The following UTRN variants were observed in gnomAD, a reference collection of about 807,000 sequenced individuals.
The protein encoded by UTRN is dystrophin-related protein 1.
UTRN carries 283 observed loss-of-function variants against 463.9 expected under a neutral mutation model. The observed-to-expected ratio is 0.61, with a 90% CI of 0.55 to 0.67. UTRN has a LOEUF of 0.67. Among genes scored for constraint, UTRN ranks in the 30% least tolerant of loss-of-function variants. The pLI is 0.00. For synonymous variants in UTRN, 1,442 were observed against 1,431.5 expected (o/e 1.01, Z -0.17); for missense variants, 3,922 against 4,084.3 (o/e 0.96, Z 1.08).
At chr6:144,555,006 T>C in intron 49 of UTRN, 113 bp downstream of exon 49, 1 of 1,231,030 alleles carries the variant, frequency 8.1e-7, no homozygotes, top group Non-Finnish European at 1.1e-6. Context: ...CCTAAGTTCT[T>C]AGAGTGTCTA....
intron 2 of UTRN, among the ~76,000 whole-genome samples, chr6:144,357,705 A>AT (rs1778695246): frequency 6.6e-6 from 1 of 152,056 alleles, no homozygotes; most frequent in Non-Finnish European, 1.5e-5. Flanking sequence ...TGACAGCCTT[A>AT]TTTTTTTTCC....
intron 9 of UTRN, 101 bp downstream of exon 9, chr6:144,429,842 C>T: frequency 7.9e-7 from 1 of 1,270,648 alleles, no homozygotes; most frequent in African/African-American, 1.5e-5. Flanking sequence ...TGACTGAGAA[C>T]ATCTTGGTTT....
At chr6:144,730,183 T>A (rs1318408348) in intron 53 of UTRN, among the ~76,000 whole-genome samples, 174 bp from the exon 54 acceptor site, 2 of 152,258 alleles carry the variant, frequency 1.3e-5, no homozygotes, top group Admixed American at 6.5e-5. Flanking sequence ...TTTTCCTTTG[T>A]ATTTTTCTTC....
At chr6:144,561,233 A>G (rs1799856986) in intron 50 of UTRN, among the ~76,000 whole-genome samples, 1 of 114,346 alleles carries the variant, frequency 8.7e-6, no homozygotes, top group Non-Finnish European at 1.9e-5. Flanking sequence ...ATATATATAT[A>G]TATATATATA....
chr6:144,426,230 A>G, intron 6 of UTRN, 57 bp from the exon 7 acceptor site: 1 of 1,540,286 alleles, frequency 6.5e-7, no homozygotes, highest in African/African-American at 1.4e-5. Flanking sequence ...CATTGAAGTA[A>G]GTTGAAGTAA....
intron 35 of UTRN, 24 bp from the exon 36 acceptor site, chr6:144,513,885 A>C: frequency 6.2e-7 from 1 of 1,608,932 alleles, no homozygotes; most frequent in Non-Finnish European, 8.5e-7. Context: ...TGGTTATGTA[A>C]GCATTTTATT....
At chr6:144,745,943 T>G (rs545752379) in intron 54 of UTRN, among the ~76,000 whole-genome samples, 1 of 151,422 alleles carries the variant, frequency 6.6e-6, no homozygotes, top group Non-Finnish European at 1.5e-5. Context: ...AGACATAACA[T>G]TTTATATTTA....
chr6:144,615,537 C>T (rs1805990808), intron 51 of UTRN, among the ~76,000 whole-genome samples: 1 of 152,128 alleles, frequency 6.6e-6, no homozygotes, highest in African/African-American at 2.4e-5. Flanking sequence ...GTTTCTGAAT[C>T]CTTTAGCTCA....
chr6:144,451,291 A>G (rs999897434), intron 17 of UTRN, 79 bp from the exon 18 acceptor site: 5 of 1,525,962 alleles, frequency 3.3e-6, no homozygotes, highest in Non-Finnish European at 3.5e-6. Context: ...CCTGATGAGC[A>G]TTTGAGTTGC....
intron 50 of UTRN, among the ~76,000 whole-genome samples, chr6:144,574,963 A>G (rs1214576354): frequency 6.6e-6 from 1 of 152,136 alleles, no homozygotes; most frequent in Non-Finnish European, 1.5e-5. Flanking sequence ...GGTTAACTTT[A>G]CAAAAAACTG....
chr6:144,585,969 T>C (rs1333226938), intron 51 of UTRN, among the ~76,000 whole-genome samples: 1 of 152,164 alleles, frequency 6.6e-6, no homozygotes, highest in Non-Finnish European at 1.5e-5. Flanking sequence ...AAATTCATAT[T>C]GGCATTTTGA....
intron 54 of UTRN, among the ~76,000 whole-genome samples, chr6:144,748,004 G>C (rs1790951320): frequency 6.6e-6 from 1 of 152,200 alleles, no homozygotes; most frequent in Non-Finnish European, 1.5e-5. Flanking sequence ...TCAAAAACCG[G>C]GTCAATTTAT....
At chr6:144,695,216 A>T (rs946582328) in intron 52 of UTRN, among the ~76,000 whole-genome samples, 1 of 152,128 alleles carries the variant, frequency 6.6e-6, no homozygotes, top group Non-Finnish European at 1.5e-5. Flanking sequence ...ATCTACCCTA[A>T]GTGTTTTACA....
chr6:144,745,375 T>C (rs936847422), intron 54 of UTRN, among the ~76,000 whole-genome samples: 4 of 152,178 alleles, frequency 2.6e-5, no homozygotes, highest in African/African-American at 9.7e-5. Flanking sequence ...CTTCTTCTTA[T>C]GTATTTCACA....
intron 34 of UTRN, among the ~76,000 whole-genome samples, chr6:144,510,644 G>A (rs1795090569): frequency 6.6e-6 from 1 of 152,034 alleles, no homozygotes; most frequent in Non-Finnish European, 1.5e-5. Flanking sequence ...AAGGTAATTG[G>A]CATTCATATG....
At chr6:144,367,014 C>T (rs560895842) in intron 2 of UTRN, among the ~76,000 whole-genome samples, 176 of 151,992 alleles carry the variant, frequency 1.2e-3, no homozygotes, top group African/African-American at 3.8e-3. Context: ...GATGGACTCT[C>T]GCTCTGTCAT....
At chr6:144,324,467 T>C (rs764758461) in intron 2 of UTRN, among the ~76,000 whole-genome samples, 26 of 152,344 alleles carry the variant, frequency 1.7e-4, no homozygotes, top group Admixed American at 7.2e-4. Context: ...ATAAAGAGAA[T>C]AATTAACTGA....
At chr6:144,576,974 C>T in intron 50 of UTRN, 125 bp from the exon 51 acceptor site, 1 of 780,742 alleles carries the variant, frequency 1.3e-6, no homozygotes, top group Non-Finnish European at 2.0e-6. Context: ...TCCCAGTTAC[C>T]TATGGTGACT....
In UTRN at chr6:144,603,401, C is replaced by T. The variant is rs775858120; in HGVS notation, c.7479+26113C>T. 1.3e-3 allele frequency among the ~76,000 whole-genome samples: 191 copies of T among 152,224 alleles called. 3 individuals carry two copies. The highest frequency in any genetic ancestry group is 3.9e-4 in the East Asian group (2 of 5,192). ...CTATAGCATATGAGAACACTCATCT[C>T]GCCATACTCTGATTAGCCTTGAATT... On this transcript the variant is annotated intron_variant, in intron 51 of 74. Transcript: ENST00000367545.
Sources: gnomAD v4.1 joint callset for allele counts (sites outside exome capture counted in the v4.1 genomes callset) on GRCh38, gnomAD v4.1.1 for gene constraint, MANE v1.5 for transcripts, NCBI Gene and HGNC (gene_info 2026-07-23, HGNC 2026-07-21) for gene names.